Variants in ADAM7 observed in about 807,000 individuals in gnomAD.
The protein encoded by ADAM7 is ADAM metallopeptidase domain 7.
A neutral mutation model predicts 102.9 loss-of-function variants in ADAM7; 97 were observed. The ratio of observed to expected loss-of-function variants is 0.94; its 90% CI spans 0.80 to 1.12. ADAM7 has a LOEUF of 1.12. ADAM7 is among the 50% of genes most tolerant of loss of function. The pLI, the probability that ADAM7 is intolerant of heterozygous loss-of-function variation, is 0.00. For synonymous variants in ADAM7, 334 were observed against 304.4 expected (o/e 1.10, Z -1.01); for missense variants, 991 against 908.7 (o/e 1.09, Z -1.16).
At chr8:24,506,625 C>A (rs1365833677) in intron 20 of ADAM7, among the ~76,000 whole-genome samples, 1 of 152,056 alleles carries the variant, frequency 6.6e-6, no homozygotes, top group Non-Finnish European at 1.5e-5. Flanking sequence ...AGTCCTTGAT[C>A]AGCCAGAGGG....
intron 2 of ADAM7, among the ~76,000 whole-genome samples, chr8:24,446,962 T>C (rs964443161): frequency 6.6e-6 from 1 of 150,844 alleles, no homozygotes; most frequent in Non-Finnish European, 1.5e-5. Flanking sequence ...TATTCTAATA[T>C]AACTAGAAGA....
intron 12 of ADAM7, among the ~76,000 whole-genome samples, chr8:24,490,151 A>C (rs1044946074): frequency 4.6e-5 from 7 of 152,136 alleles, no homozygotes; most frequent in African/African-American, 1.7e-4. Flanking sequence ...CCATAATCAG[A>C]CTGGGGACAG....
At chr8:24,508,397 C>G in intron 21 of ADAM7, 149 bp from the exon 22 acceptor site, 1 of 738,594 alleles carries the variant, frequency 1.4e-6, no homozygotes, top group East Asian at 2.7e-5. Context: ...TTAGCAATGG[C>G]TAGGGAGATC....
In ADAM7 at chr8:24,496,263, A is replaced by G. The variant is rs554271662; in HGVS notation, c.1843-2973A>G. On this transcript the variant is annotated intron_variant, in intron 16 of 21. Transcript: ENST00000175238. ...GTTTGGGAACCTCAGCGTAGATTTC[A>G]GAAGATGTATGGAAATGCCTGGATG... is the stretch of plus-strand genomic sequence containing the variant. Among the ~76,000 whole-genome samples the G allele has an allele frequency of 2.0e-5, 3 of 152,354 alleles. No individual in the cohort carries two copies. In the South Asian group the frequency reaches 6.2e-4, roughly 32 times the overall value.
intron 7 of ADAM7, among the ~76,000 whole-genome samples, chr8:24,474,885 A>G (rs1585889325): frequency 6.6e-6 from 1 of 152,252 alleles, no homozygotes; most frequent in East Asian, 1.9e-4. Flanking sequence ...ACAGAGCAAG[A>G]CCTTGTCTCA....
intron 6 of ADAM7, 122 bp from the exon 7 acceptor site, chr8:24,468,644 TC>T (rs1819508196): frequency 1.3e-6 from 1 of 769,544 alleles, no homozygotes; most frequent in Admixed American, 2.4e-5. Flanking sequence ...TTCATATGCC[TC>T]CCCATTTTGT....
intron 11 of ADAM7, 53 bp downstream of exon 11, chr8:24,487,370 G>C (rs1820178128): frequency 3.8e-6 from 6 of 1,579,474 alleles, no homozygotes; most frequent in Non-Finnish European, 3.4e-6. Flanking sequence ...AAGTGGGCTG[G>C]GCATGGTGGC....
At chr8:24,451,909 CCAGTAGT>C (rs1164698607) in intron 3 of ADAM7, among the ~76,000 whole-genome samples, 1 of 150,528 alleles carries the variant, frequency 6.6e-6, no homozygotes, top group African/African-American at 2.4e-5. Flanking sequence ...CATTATGTAC[CCAGTAGT>C]CATTCAGGAG....
chr8:24,480,008 A>G (rs1234779858), intron 8 of ADAM7, among the ~76,000 whole-genome samples: 1 of 152,108 alleles, frequency 6.6e-6, no homozygotes, highest in East Asian at 1.9e-4. Flanking sequence ...CAACTGTTTC[A>G]ATTTATGTCC....
chr8:24,459,007 A>G (rs1819141919), intron 3 of ADAM7, among the ~76,000 whole-genome samples: 1 of 151,920 alleles, frequency 6.6e-6, no homozygotes, highest in South Asian at 2.1e-4. Flanking sequence ...TTTTTGCAAT[A>G]GATTTGTCAA....
intron 1 of ADAM7, 88 bp from the exon 2 acceptor site, chr8:24,442,385 T>A: frequency 1.1e-6 from 1 of 896,164 alleles, no homozygotes; most frequent in Non-Finnish European, 1.9e-6. Flanking sequence ...TGGGGGCAAA[T>A]GAACTGTATT....
intron 16 of ADAM7, among the ~76,000 whole-genome samples, chr8:24,496,826 C>A (rs1237701956): frequency 6.6e-6 from 1 of 152,124 alleles, no homozygotes; most frequent in Non-Finnish European, 1.5e-5. Context: ...AAGGGACTTG[C>A]CTTGTACTGA....
At chr8:24,499,771 G>A (rs11996159) in intron 17 of ADAM7, among the ~76,000 whole-genome samples, 1,676 of 149,518 alleles carry the variant, frequency 0.011, 25 homozygotes, top group African/African-American at 0.039. Flanking sequence ...CATAAGCTGG[G>A]TTAATCAGTA....
At chr8:24,447,067 T>A in intron 2 of ADAM7, 119 bp from the exon 3 acceptor site, 1 of 480,456 alleles carries the variant, frequency 2.1e-6, no homozygotes, top group Non-Finnish European at 3.8e-6. Flanking sequence ...ATTTTGCATT[T>A]TGGCTGAAAG....
At position 24,465,680 on chromosome 8, in the gene ADAM7, G is replaced by T; in HGVS notation, c.313-19G>T. 1 of 1,519,212 alleles carries T rather than the reference G, an allele frequency of 6.6e-7. No individual in the cohort carries two copies. The highest frequency in any genetic ancestry group is 9.0e-7 in the Non-Finnish European group (1 of 1,115,690). 94.1% of individuals were successfully genotyped at this position (1,519,212 alleles called of 1,614,324 possible). ...ATCAATATTTATACATATAGTAATA[G>T]AGTCTTCTTCTATTTTAGGATCATT... On this transcript the variant is annotated intron_variant, in intron 4 of 21. Coordinates refer to ENST00000175238, the MANE Select transcript of ADAM7 (RefSeq NM_003817.4).
At chr8:24,496,078 G>A (rs773489776) in intron 16 of ADAM7, among the ~76,000 whole-genome samples, 1 of 152,202 alleles carries the variant, frequency 6.6e-6, no homozygotes, top group Admixed American at 6.5e-5. Flanking sequence ...CGTGCTGTGT[G>A]CAGTTTAGGG....
chr8:24,464,047 G>A (rs1347869609), intron 4 of ADAM7, 87 bp downstream of exon 4: 8 of 1,153,054 alleles, frequency 6.9e-6, no homozygotes, highest in South Asian at 1.3e-5. Flanking sequence ...TGTACAAGCT[G>A]TTTCAGAAAG....
intron 17 of ADAM7, among the ~76,000 whole-genome samples, chr8:24,499,855 T>C (rs1820693912): frequency 6.8e-6 from 1 of 147,478 alleles, no homozygotes; most frequent in East Asian, 2.0e-4. Context: ...CACACACACA[T>C]ACATATCAGG....
At chr8:24,476,655 TAAC>T in intron 8 of ADAM7, 151 bp downstream of exon 8, 1 of 500,944 alleles carries the variant, frequency 2.0e-6, no homozygotes. Flanking sequence ...GAAAAAATAA[TAAC>T]AACAAACCAC....
Sources: gnomAD v4.1 joint callset for allele counts (sites outside exome capture counted in the v4.1 genomes callset) on GRCh38, gnomAD v4.1.1 for gene constraint, MANE v1.5 for transcripts, NCBI Gene and HGNC (gene_info 2026-07-23, HGNC 2026-07-21) for gene names.